The following MYOF variants were observed in gnomAD, a reference collection of about 807,000 sequenced individuals.
The protein encoded by MYOF is myoferlin, also known as fer-1-like 3, myoferlin.
Under a neutral mutation model 284.2 loss-of-function variants are expected in MYOF, and 244 were observed. The observed-to-expected ratio is 0.86, with a 90% CI of 0.77 to 0.95. MYOF has a LOEUF of 0.95. MYOF is among the 40% of genes least tolerant of loss of function. The probability of loss-of-function intolerance (pLI) is 0.00; values close to 1 mark genes in which losing one functional copy is unlikely to be tolerated. For missense variants in MYOF, 2,496 were observed against 2,560.6 expected, an observed-to-expected ratio of 0.97 and a Z score of 0.54; for synonymous variants, 904 against 919.7, an observed-to-expected ratio of 0.98 and a Z score of 0.31.
rs181998538 is a variant in MYOF at position 93,356,746 on chromosome 10, G to A, written c.3223C>T (p.Arg1075Cys). 5.1e-5 allele frequency: 83 copies of A among 1,614,018 alleles called. No homozygotes were observed. The highest frequency in any genetic ancestry group is 6.5e-5 in the Non-Finnish European group (77 of 1,180,048). ...GAAGGAGCCATTTTTCTCCTCCAGC[G>A]TCTGCGGCGGAAGGTATCTGAACTA... Reference protein sequence around the residue: ...QRSSDTFRRRRWRRKMAPSET... With the variant: ...QRSSDTFRRRCWRRKMAPSET... Residue 1075 changes from arginine (R) to cysteine (C), a missense_variant, in exon 30 of 54, where the codon CGC becomes TGC. Physicochemically the swap from Arg to Cys is radical, Grantham distance 180. Coordinates refer to ENST00000359263, the MANE Select transcript of MYOF (RefSeq NM_013451.4).
chr10:93,342,012 T>G, intron 38 of MYOF: 1 of 1,232,354 alleles, frequency 8.1e-7, no homozygotes, highest in Non-Finnish European at 1.1e-6. Flanking sequence ...TGTACACATG[T>G]CCATGTTATC....
chr10:93,369,844 C>A (rs1845506896), intron 24 of MYOF, 68 bp from the exon 25 acceptor site: 6 of 1,576,188 alleles, frequency 3.8e-6, no homozygotes, highest in Non-Finnish European at 5.2e-6. Context: ...TAAGTTAAAG[C>A]CAAAAACAGA....
chr10:93,322,058 CTGAGA>C (rs768200832), intron 48 of MYOF, among the ~76,000 whole-genome samples: 1 of 151,200 alleles, frequency 6.6e-6, no homozygotes, highest in Non-Finnish European at 1.5e-5. Flanking sequence ...ATATAATTAG[CTGAGA>C]TTAGTTTCCC....
At chr10:93,356,593 A>C (rs187209346) in intron 30 of MYOF, 82 bp downstream of exon 30, 1 of 1,426,300 alleles carries the variant, frequency 7.0e-7, no homozygotes, top group Non-Finnish European at 9.5e-7. Context: ...AGGGACCTCT[A>C]TGGAGTTGGC....
chr10:93,450,459 A>G (rs1374897628), intron 3 of MYOF, among the ~76,000 whole-genome samples: 1 of 152,226 alleles, frequency 6.6e-6, no homozygotes, highest in African/African-American at 2.4e-5. Context: ...CTGCAATCCC[A>G]GCTGTTCAGG....
intron 45 of MYOF, among the ~76,000 whole-genome samples, chr10:93,326,299 G>C (rs1468733447): frequency 6.6e-6 from 1 of 152,168 alleles, no homozygotes; most frequent in Non-Finnish European, 1.5e-5. Context: ...AGGAGGCCAT[G>C]TGACCAAGTT....
At chr10:93,425,232 C>G (rs568148984) in intron 5 of MYOF, among the ~76,000 whole-genome samples, 2 of 152,142 alleles carry the variant, frequency 1.3e-5, no homozygotes, top group Non-Finnish European at 2.9e-5. Context: ...TGAGCCACCA[C>G]GCCCAGCCAG....
intron 44 of MYOF, 119 bp from the exon 45 acceptor site, chr10:93,329,030 G>A (rs538968677): frequency 1.0e-5 from 10 of 972,078 alleles, no homozygotes; most frequent in East Asian, 9.8e-5. Context: ...GAAAATCTGC[G>A]CTACACTCTG....
chr10:93,474,647 A>G (rs2057220292), intron 1 of MYOF, among the ~76,000 whole-genome samples: 2 of 152,254 alleles, frequency 1.3e-5, no homozygotes, highest in Admixed American at 1.3e-4. Context: ...TCAAATAGGT[A>G]AGGAGATTTA....
intron 1 of MYOF, among the ~76,000 whole-genome samples, chr10:93,478,009 A>G (rs1453232559): frequency 6.6e-6 from 1 of 152,130 alleles, no homozygotes; most frequent in African/African-American, 2.4e-5. Context: ...CAGAGTGGTG[A>G]CCCTGAAGGA....
intron 38 of MYOF, chr10:93,341,840 A>T: frequency 9.9e-7 from 1 of 1,013,330 alleles, no homozygotes; most frequent in Non-Finnish European, 1.3e-6. Context: ...AAAGAGTTGT[A>T]AGAATAATTC....
intron 36 of MYOF, among the ~76,000 whole-genome samples, chr10:93,348,408 C>T (rs1337746173): frequency 1.3e-5 from 2 of 152,320 alleles, no homozygotes; most frequent in East Asian, 3.9e-4. Context: ...GGTGACAATG[C>T]CTGATTGGGG....
intron 38 of MYOF, among the ~76,000 whole-genome samples, chr10:93,343,563 C>G (rs1375084007): frequency 6.6e-6 from 1 of 152,238 alleles, no homozygotes; most frequent in Non-Finnish European, 1.5e-5. Flanking sequence ...TAAAAACATA[C>G]TGATATCTAG....
At chr10:93,413,827 CA>C (rs1051044276) in intron 5 of MYOF, among the ~76,000 whole-genome samples, 9 of 151,370 alleles carry the variant, frequency 5.9e-5, no homozygotes, top group Non-Finnish European at 1.0e-4. Context: ...CCCATCTCTA[CA>C]AAAAAAATTT....
intron 20 of MYOF, 121 bp from the exon 21 acceptor site, chr10:93,380,108 G>T (rs1846044607): frequency 3.2e-6 from 4 of 1,237,298 alleles, no homozygotes; most frequent in Non-Finnish European, 2.2e-6. Flanking sequence ...AGCTTGAGGT[G>T]GTCTGGTTCT....
intron 1 of MYOF, among the ~76,000 whole-genome samples, chr10:93,463,555 A>G (rs1459139345): frequency 1.3e-5 from 2 of 151,690 alleles, no homozygotes; most frequent in Admixed American, 6.6e-5. Context: ...GCCCACCACC[A>G]TGCCCGGCTA....
In MYOF at chr10:93,404,198, T is replaced by C; in HGVS notation, c.751A>G (p.Met251Val). ...TCATCCATCAATTCAGAAGGGGTCA[T>C]GTTGACATTGTAGAAAAACAACTGC... is the stretch of plus-strand genomic sequence containing the variant. ...FDELFFYNVN[M>V]TPSELMDEII... Residue 251 changes from methionine (M) to valine (V), a missense_variant, in exon 8 of 54, where the codon ATG (methionine) becomes GTG (valine). By Grantham distance (21) the Met-to-Val change is conservative. Around this residue, in one of 3 missense-constraint regions of MYOF, gnomAD observed 2,436 missense variants for 2,480.7 expected, o/e 0.98. Transcript: ENST00000359263. 1 of 1,614,206 alleles carries C rather than the reference T, an allele frequency of 6.2e-7. No homozygotes were observed. The highest frequency in any genetic ancestry group is 8.5e-7 in the Non-Finnish European group (1 of 1,180,030).
chr10:93,313,333 G>C, intron 50 of MYOF, 123 bp from the exon 51 acceptor site: 1 of 877,000 alleles, frequency 1.1e-6, no homozygotes, highest in Non-Finnish European at 1.7e-6. Flanking sequence ...TAAATGGTGA[G>C]TTAGAGAAAG....
intron 19 of MYOF, among the ~76,000 whole-genome samples, chr10:93,386,403 G>T (rs958224823): frequency 1.3e-5 from 2 of 152,172 alleles, no homozygotes; most frequent in African/African-American, 4.8e-5. Flanking sequence ...TTGGCTCCGT[G>T]TCTCTTTAGT....
Sources: allele counts gnomAD v4.1 joint callset (sites outside exome capture counted in the v4.1 genomes callset), GRCh38; gene constraint gnomAD v4.1.1; regional missense constraint gnomAD v4.1.1; transcripts MANE v1.5; gene names NCBI Gene and HGNC (gene_info 2026-07-23, HGNC 2026-07-21).